The following MYL3 variants were observed in gnomAD, a reference collection of about 807,000 sequenced individuals.
MYL3 encodes myosin light chain 3, also known as CMLC1.
In MYL3, 11 loss-of-function variants were observed where a neutral mutation model predicts 21.3. The ratio of observed to expected loss-of-function variants is 0.52; its 90% CI spans 0.32 to 0.85. The LOEUF (loss-of-function observed/expected upper bound fraction) is 0.85. Among genes scored for constraint, MYL3 ranks in the 40% least tolerant of loss-of-function variants. The probability of loss-of-function intolerance (pLI) is 0.03; values close to 1 mark genes in which losing one functional copy is unlikely to be tolerated. For synonymous variants in MYL3, 88 were observed against 91.6 expected, an observed-to-expected ratio of 0.96 and a Z score of 0.22; for missense variants, 206 against 253.3, an observed-to-expected ratio of 0.81 and a Z score of 1.27.
chr3:46,870,648 G>C (rs779365537), intron 1 of MYL3, among the ~76,000 whole-genome samples: 3 of 152,162 alleles, frequency 2.0e-5, no homozygotes, highest in Non-Finnish European at 4.4e-5. Context: ...ACCTGCCTGT[G>C]TGAGTATTTA....
At chr3:46,870,643 C>T (rs1702100175) in intron 1 of MYL3, among the ~76,000 whole-genome samples, 1 of 152,164 alleles carries the variant, frequency 6.6e-6, no homozygotes, top group Admixed American at 6.5e-5. Flanking sequence ...CTGGTACCTG[C>T]CTGTGTGAGT....
chr3:46,876,640 C>A lies in MYL3; in HGVS notation c.-218+5434G>T, dbSNP rs534954870. Among the ~76,000 whole-genome samples, 16 of 152,330 alleles carry A rather than the reference C, an allele frequency of 1.1e-4. No homozygotes were observed. The South Asian group carries it at 3.1e-3, about 30-fold the overall frequency. ...ACTTTGGAAACTCTAATGAGTGGTA[C>A]CCTCCCCAGGAGCCTGGAAGACCCA... is the stretch of plus-strand genomic sequence containing the variant. On this transcript the variant is annotated intron_variant, in intron 1 of 3. Coordinates refer to the MYL3 transcript ENST00000431168.
upstream of MYL3, chr3:46,863,577 G>A (rs1702014818): frequency 1.6e-6 from 1 of 619,274 alleles, no homozygotes; most frequent in South Asian, 1.9e-5. Context: ...GGGGCCTGGG[G>A]AGGGCATTGT....
chr3:46,858,392 T>C lies in MYL3; in HGVS notation c.551A>G (p.Asn184Ser). 6.2e-7 allele frequency: 1 copy of C among 1,614,100 alleles called. No homozygotes were observed. Among genetic ancestry groups the C allele is most frequent in the Non-Finnish European group, 8.5e-7 (1 of 1,180,022 alleles). The change falls in exon 5 of 7, where the codon AAC becomes AGC. Residue 184 changes from asparagine to serine, a missense_variant. Transcript: ENST00000292327. ...AGQEDSNGCINYEAFVKHIMS... is the reference protein window; with the variant it reads ...AGQEDSNGCISYEAFVKHIMS... ...GCCCCTGCTGAGCCCACCTTCATAG[T>C]TGATGCAGCCATTGGAGTCCTCTTG...
At chr3:46,862,432 T>C (rs958781009) in intron 1 of MYL3, among the ~76,000 whole-genome samples, 2 of 152,140 alleles carry the variant, frequency 1.3e-5, no homozygotes, top group Non-Finnish European at 1.5e-5. Context: ...GAAGGGCTCA[T>C]GAACAGGAGG....
At chr3:46,867,184 T>C (rs1015267560), upstream of MYL3, among the ~76,000 whole-genome samples, 1 of 150,968 alleles carries the variant, frequency 6.6e-6, no homozygotes, top group African/African-American at 2.4e-5. Flanking sequence ...AACCCGGACC[T>C]TCAACCCAGA....
chr3:46,867,281 A>C (rs1353820828), upstream of MYL3, among the ~76,000 whole-genome samples: 1 of 151,934 alleles, frequency 6.6e-6, no homozygotes, highest in Non-Finnish European at 1.5e-5. Flanking sequence ...CTCTAAACCC[A>C]GACTTCCAGG....
At chr3:46,863,660 A>G (rs1286283036), upstream of MYL3, among the ~76,000 whole-genome samples, 1 of 151,934 alleles carries the variant, frequency 6.6e-6, no homozygotes, top group Non-Finnish European at 1.5e-5. Flanking sequence ...GGGGAGGGAG[A>G]GAGGGGGACA....
chr3:46,867,223 A>G (rs1042508842), upstream of MYL3, among the ~76,000 whole-genome samples: 6 of 151,938 alleles, frequency 3.9e-5, no homozygotes, highest in African/African-American at 1.5e-4. Context: ...AGACACAGGA[A>G]CCAGGATTCT....
intron 1 of MYL3, among the ~76,000 whole-genome samples, chr3:46,881,886 C>T (rs1178225928): frequency 3.3e-5 from 5 of 152,050 alleles, no homozygotes; most frequent in Admixed American, 3.3e-4. Flanking sequence ...AGGGGATTCG[C>T]CCATGATGAA....
At position 46,859,567 on chromosome 3, in the gene MYL3, T is replaced by A. The variant is rs750382223; in HGVS notation, c.389A>T (p.Tyr130Phe). 4 of 1,614,128 alleles carry A rather than the reference T, an allele frequency of 2.5e-6. No individual in the cohort carries two copies. Among genetic ancestry groups the A allele is most frequent in the Non-Finnish European group, 3.4e-6 (4 of 1,180,054 alleles). ...CCGCAGCCCCTCCACGAAGTCCTCA[T>A]AGGTGCCTGTGTCCTTGTTCTTGGA... Reference protein sequence around the residue: ...HISKNKDTGTYEDFVEGLRVF... With the variant: ...HISKNKDTGTFEDFVEGLRVF... The change falls in exon 4 of 7, where the codon TAT becomes TTT. Residue 130 changes from tyrosine (Y) to phenylalanine (F), a missense_variant. By Grantham distance (22) the Tyr-to-Phe change is conservative. Coordinates refer to ENST00000292327, the MANE Select transcript of MYL3 (RefSeq NM_000258.3). This position sits in a 1 kb window ranked among gnomAD's most constrained non-coding sequence, Gnocchi z 4.1.
intron 1 of MYL3, among the ~76,000 whole-genome samples, chr3:46,871,849 G>A (rs1430726038): frequency 1.3e-5 from 2 of 152,220 alleles, no homozygotes; most frequent in Non-Finnish European, 2.9e-5. Context: ...CTGGAGCTCG[G>A]TTGGATGAGA....
At chr3:46,872,262 T>G (rs1227685829) in intron 1 of MYL3, among the ~76,000 whole-genome samples, 2 of 152,112 alleles carry the variant, frequency 1.3e-5, no homozygotes, top group African/African-American at 4.8e-5. Flanking sequence ...ACAGAGGGGC[T>G]CATCCAAGGC....
In MYL3 at chr3:46,859,956, C is replaced by T. The variant is rs1034983605; in HGVS notation, c.308-308G>A. ...CCTACTTTTGGGAAACAGTCCTCCC[C>T]TCGTGGCATTTTCTTATAGACCTCA... On this transcript the variant is annotated intron_variant, in intron 3 of 6. Coordinates refer to ENST00000292327, the MANE Select transcript of MYL3 (RefSeq NM_000258.3). This position sits in a 1 kb window ranked among gnomAD's most constrained non-coding sequence, Gnocchi z 4.1. 4.6e-5 allele frequency among the ~76,000 whole-genome samples: 7 copies of T among 152,216 alleles called. No homozygotes were observed. Among genetic ancestry groups the T allele is most frequent in the African/African-American group, 1.7e-4 (7 of 41,456 alleles).
intron 1 of MYL3, among the ~76,000 whole-genome samples, chr3:46,870,482 C>T (rs1702098756): frequency 6.6e-6 from 1 of 152,048 alleles, no homozygotes; most frequent in South Asian, 2.1e-4. Flanking sequence ...CATGGTGGCC[C>T]CCTACACCCA....
intron 1 of MYL3, among the ~76,000 whole-genome samples, chr3:46,868,634 C>A (rs1702073040): frequency 6.6e-6 from 1 of 152,174 alleles, no homozygotes. Flanking sequence ...GAGCCCAATT[C>A]AGCATGAGGG....
At position 46,860,605 on chromosome 3, in the gene MYL3, G is replaced by T; in HGVS notation, c.307+71C>A. The T allele has an allele frequency of 6.3e-7, 1 of 1,595,474 alleles. No homozygotes were observed. Among genetic ancestry groups the T allele is most frequent in the Non-Finnish European group, 8.5e-7 (1 of 1,174,140 alleles). On this transcript the variant is annotated intron_variant, in intron 3 of 6. Coordinates refer to ENST00000292327, the MANE Select transcript of MYL3 (RefSeq NM_000258.3). The surrounding 1 kb of genome is among the most constrained non-coding windows in gnomAD (Gnocchi z 4.6). ...GAAAGATTCTCGTGCTATCCCGCAGGATGGATGGCAGCCCACCCAGCCAGT... is the reference window on the plus strand; with the variant it reads ...GAAAGATTCTCGTGCTATCCCGCAGTATGGATGGCAGCCCACCCAGCCAGT...
chr3:46,876,577 C>T (rs1018409551), intron 1 of MYL3, among the ~76,000 whole-genome samples: 8 of 152,316 alleles, frequency 5.3e-5, no homozygotes, highest in Admixed American at 4.6e-4. Flanking sequence ...CAGGTATCAC[C>T]GAGCCTGCCT....
At chr3:46,878,346 G>A (rs1382780067) in intron 1 of MYL3, among the ~76,000 whole-genome samples, 2 of 152,082 alleles carry the variant, frequency 1.3e-5, no homozygotes, top group South Asian at 4.1e-4. Flanking sequence ...GTTTCCAGAG[G>A]GGCCTAGAAG....
Sources: allele counts gnomAD v4.1 joint callset (sites outside exome capture counted in the v4.1 genomes callset), GRCh38; gene constraint gnomAD v4.1.1; non-coding constraint Gnocchi (gnomAD v3.1); transcripts MANE v1.5; gene names NCBI Gene and HGNC (gene_info 2026-07-23, HGNC 2026-07-21).